The following LAMA2 variants were observed in gnomAD, a reference collection of about 807,000 sequenced individuals.
LAMA2 encodes the protein laminin subunit alpha 2, also known as laminin subunit alpha-2.
Under a neutral mutation model 364.8 loss-of-function variants are expected in LAMA2, and 269 were observed. The observed-to-expected ratio is 0.74, with a 90% confidence interval of 0.67 to 0.82. The LOEUF (loss-of-function observed/expected upper bound fraction) is 0.82. Among genes scored for constraint, LAMA2 ranks in the 40% least tolerant of loss-of-function variants. LAMA2 has a pLI of 0.00. For missense variants in LAMA2, 3,807 were observed against 3,873.2 expected (o/e 0.98, Z 0.45); for synonymous variants, 1,379 against 1,370.6 (o/e 1.01, Z -0.14).
chr6:129,427,972 A>G, intron 41 of LAMA2, 118 bp downstream of exon 41: 1 of 737,826 alleles, frequency 1.4e-6, no homozygotes, highest in Non-Finnish European at 2.4e-6. Flanking sequence ...ATGATTCTAT[A>G]ATCTATTTAA....
At chr6:129,285,621 G>A (rs1452896738) in intron 18 of LAMA2, among the ~76,000 whole-genome samples, 2 of 152,096 alleles carry the variant, frequency 1.3e-5, no homozygotes. Flanking sequence ...CCTTATTCCA[G>A]TGGCACAAAG....
chr6:128,975,787 G>T (rs953394467), intron 1 of LAMA2, among the ~76,000 whole-genome samples: 14 of 152,222 alleles, frequency 9.2e-5, no homozygotes, highest in African/African-American at 2.9e-4. Context: ...TGCCATGATT[G>T]TGAGGCCTCC....
chr6:129,288,053 G>A lies in LAMA2; in HGVS notation c.2744G>A (p.Cys915Tyr). 1 of 1,613,330 alleles carries A rather than the reference G, an allele frequency of 6.2e-7. No individual in the cohort carries two copies. Among genetic ancestry groups the A allele is most frequent in the Non-Finnish European group, 8.5e-7 (1 of 1,179,280 alleles). The change falls in exon 19 of 65, where the codon TGT becomes TAT. Residue 915 changes from cysteine (C) to tyrosine (Y), a missense_variant. By Grantham distance (194) the Cys-to-Tyr change is radical (BLOSUM62 -2). Transcript: ENST00000421865. ...GGAGATGCAGTTGATGCGAAGAACT[G>A]TCAGCGTAAGTCCTGAACTATTGAT... ...YFGDAVDAKN[C>Y]QPCRCNAGGS...
At chr6:129,417,559 T>G (rs1349623836) in intron 40 of LAMA2, among the ~76,000 whole-genome samples, 1 of 152,084 alleles carries the variant, frequency 6.6e-6, no homozygotes, top group Non-Finnish European at 1.5e-5. Flanking sequence ...CTTCAGGCAG[T>G]CCCTGGCTTG....
intron 44 of LAMA2, among the ~76,000 whole-genome samples, chr6:129,443,507 G>C (rs1010958889): frequency 5.9e-5 from 9 of 152,134 alleles, no homozygotes; most frequent in Non-Finnish European, 1.2e-4. Flanking sequence ...AGATTATGCT[G>C]TTTCTGATAA....
intron 1 of LAMA2, among the ~76,000 whole-genome samples, chr6:128,985,948 C>G (rs1265865156): frequency 6.6e-6 from 1 of 152,136 alleles, no homozygotes; most frequent in Non-Finnish European, 1.5e-5. Flanking sequence ...TCACCATTGA[C>G]TCTTATTTAC....
chr6:128,991,500 A>T (rs1481673827), intron 1 of LAMA2, among the ~76,000 whole-genome samples: 6 of 152,228 alleles, frequency 3.9e-5, no homozygotes, highest in Non-Finnish European at 7.3e-5. Context: ...AACATTGCAT[A>T]AAAACTTGTT....
chr6:129,081,204 G>C (rs559982317), intron 3 of LAMA2, among the ~76,000 whole-genome samples: 1 of 151,652 alleles, frequency 6.6e-6, no homozygotes, highest in Non-Finnish European at 1.5e-5. Context: ...GAGAACACTT[G>C]GACACAGGGT....
chr6:129,142,534 G>A (rs1179138098), intron 4 of LAMA2, among the ~76,000 whole-genome samples: 2 of 151,936 alleles, frequency 1.3e-5, no homozygotes, highest in African/African-American at 4.8e-5. Context: ...TTTTAGTAGG[G>A]GGGAGGCAAA....
intron 55 of LAMA2, among the ~76,000 whole-genome samples, chr6:129,484,402 A>G (rs1784498034): frequency 6.6e-6 from 1 of 152,194 alleles, no homozygotes; most frequent in Admixed American, 6.5e-5. Flanking sequence ...TACTCTCTAC[A>G]AGCCAGCAAT....
chr6:129,105,592 C>A (rs924678684), intron 4 of LAMA2, among the ~76,000 whole-genome samples: 5 of 152,192 alleles, frequency 3.3e-5, no homozygotes, highest in African/African-American at 1.2e-4. Flanking sequence ...GAGAACAGGG[C>A]ACCAGTTATT....
intron 16 of LAMA2, among the ~76,000 whole-genome samples, chr6:129,269,499 T>G (rs111585370): frequency 6.6e-6 from 1 of 152,090 alleles, no homozygotes; most frequent in African/African-American, 2.4e-5. Context: ...CTACATGTTA[T>G]TTGTCTTTTA....
At chr6:129,401,655 AAAAGACAAATG>A (rs1385804149) in intron 38 of LAMA2, among the ~76,000 whole-genome samples, 1 of 152,222 alleles carries the variant, frequency 6.6e-6, no homozygotes, top group African/African-American at 2.4e-5. Flanking sequence ...AACATTAGTT[AAAAGACAAATG>A]TAAATTTACA....
intron 31 of LAMA2, among the ~76,000 whole-genome samples, chr6:129,350,832 T>G (rs923909044): frequency 2.6e-5 from 4 of 152,214 alleles, no homozygotes; most frequent in Non-Finnish European, 5.9e-5. Context: ...AATGCAATTT[T>G]TATACATTTG....
rs1205850947 is a variant in LAMA2 at position 129,171,689 on chromosome 6, T to A, written c.1306+6014T>A. On this transcript the variant is annotated intron_variant, in intron 9 of 64. Transcript: ENST00000421865. ...CTTCTCGAGGAGTATCTTTGTGGCG[T>A]TCTCTGTATTTCCTGAATCTGAACG... Among the ~76,000 whole-genome samples the A allele has an allele frequency of 2.3e-5, 3 of 131,468 alleles. No individual in the cohort carries two copies. In the Admixed American group the frequency reaches 2.4e-4, roughly 10 times the overall value. 86.2% of individuals were successfully genotyped at this position (131,468 alleles called of 152,430 possible). A position where few individuals can be genotyped will look rare whatever the true frequency, so the allele number is the denominator to read the frequency against.
intron 29 of LAMA2, among the ~76,000 whole-genome samples, chr6:129,331,058 A>G (rs1775624498): frequency 6.6e-6 from 1 of 151,888 alleles, no homozygotes; most frequent in Non-Finnish European, 1.5e-5. Context: ...TTTAATAGAG[A>G]CGGGGTTTCA....
At chr6:128,948,721 T>G (rs994346153) in intron 1 of LAMA2, among the ~76,000 whole-genome samples, 1 of 152,048 alleles carries the variant, frequency 6.6e-6, no homozygotes, top group Non-Finnish European at 1.5e-5. Context: ...ATAAGTGAGT[T>G]CTCCCTTAGT....
chr6:129,427,711 C>A, intron 40 of LAMA2, 41 bp from the exon 41 acceptor site: 1 of 1,439,304 alleles, frequency 6.9e-7, no homozygotes, highest in Non-Finnish European at 9.8e-7. Context: ...CTCCATTATT[C>A]TATGGTTTTA....
intron 19 of LAMA2, among the ~76,000 whole-genome samples, chr6:129,290,819 G>C (rs960942541): frequency 5.3e-5 from 8 of 152,040 alleles, no homozygotes; most frequent in African/African-American, 1.9e-4. Flanking sequence ...AAGCAAAAAA[G>C]ACAAAAGATT....
Sources: gnomAD v4.1 joint callset for allele counts (sites outside exome capture counted in the v4.1 genomes callset) on GRCh38, gnomAD v4.1.1 for gene constraint, MANE v1.5 for transcripts, NCBI Gene and HGNC (gene_info 2026-07-23, HGNC 2026-07-21) for gene names.